TMOD2: variants seen among roughly 807,000 people sequenced by gnomAD.
TMOD2 encodes the protein tropomodulin-2.
TMOD2 carries 22 observed loss-of-function variants against 39.9 expected under a neutral mutation model. The observed-to-expected ratio is 0.55, with a 90% CI of 0.39 to 0.79. The LOEUF is 0.79. TMOD2 is among the 30% of genes least tolerant of loss of function. The pLI, the probability that TMOD2 is intolerant of heterozygous loss-of-function variation, is 0.00. For synonymous variants in TMOD2, 123 were observed against 146.1 expected, an observed-to-expected ratio of 0.84 and a Z score of 1.14; for missense variants, 386 against 413.3, an observed-to-expected ratio of 0.93 and a Z score of 0.57.
At chr15:51,771,474 T>C (rs1419584179) in intron 3 of TMOD2, among the ~76,000 whole-genome samples, 1 of 152,206 alleles carries the variant, frequency 6.6e-6, no homozygotes, top group African/African-American at 2.4e-5. Flanking sequence ...ATACCAATAG[T>C]TGTGTACTTC....
chr15:51,755,172 C>T (rs763982017), intron 1 of TMOD2, among the ~76,000 whole-genome samples: 60 of 152,312 alleles, frequency 3.9e-4, no homozygotes, highest in African/African-American at 5.3e-4. Context: ...GTCAATTCTA[C>T]GTAACTTTAA....
rs2056137342 is a variant in TMOD2 at position 51,808,731 on chromosome 15, T to TA, written c.*277_*278insA. ...CGACATGGAAAATGAATTTAACCACTTTCTTATTGGGTTGTCTTGCTTTCT... is the reference window on the plus strand; with the variant it reads ...CGACATGGAAAATGAATTTAACCACTATTCTTATTGGGTTGTCTTGCTTTCT... On this transcript the variant is annotated 3_prime_UTR_variant, in exon 10 of 10. Transcript: ENST00000249700. 2 of 314,830 alleles carry TA rather than the reference T, an allele frequency of 6.4e-6. No individual in the cohort carries two copies. The highest frequency in any genetic ancestry group is 4.3e-5 in the African/African-American group (2 of 46,376). The allele number at this position is 314,830 out of a possible 1,614,324, so 19.5% of individuals were successfully genotyped here. A position where few individuals can be genotyped will look rare whatever the true frequency, so the allele number is the denominator to read the frequency against.
chr15:51,774,638 T>C (rs371666225), intron 4 of TMOD2, among the ~76,000 whole-genome samples: 1 of 152,230 alleles, frequency 6.6e-6, no homozygotes, highest in African/African-American at 2.4e-5. Flanking sequence ...TCTGTGATGA[T>C]GTCAGGAAGT....
chr15:51,760,880 A>G (rs956579739), intron 1 of TMOD2, among the ~76,000 whole-genome samples: 11 of 152,220 alleles, frequency 7.2e-5, no homozygotes, highest in African/African-American at 2.7e-4. Context: ...AGTAACATAT[A>G]GATGTGAGGA....
Position 51,766,478 on chromosome 15 carries a change from A to G in TMOD2, c.37A>G (p.Lys13Glu), listed in dbSNP as rs2055817180. The change falls in exon 2 of 10, where the codon AAG becomes GAG. Residue 13 changes from lysine to glutamate, a missense_variant. Physicochemically the swap from Lys to Glu is moderately conservative, Grantham distance 56. Coordinates refer to ENST00000249700, the MANE Select transcript of TMOD2 (RefSeq NM_014548.4). ...LPFQKELEKY[K>E]NIDEDELLGK... ...CTTTCAAAAAGAGCTGGAGAAATAC[A>G]AGAACATTGATGAAGATGAGCTTCT... 1 of 1,614,114 alleles carries G rather than the reference A, an allele frequency of 6.2e-7. No homozygotes were observed.
chr15:51,781,343 T>G (rs2055928269), intron 6 of TMOD2, among the ~76,000 whole-genome samples, 169 bp downstream of exon 6: 1 of 152,266 alleles, frequency 6.6e-6, no homozygotes, highest in African/African-American at 2.4e-5. Flanking sequence ...CAGTGATTTC[T>G]ATAATTATTT....
chr15:51,813,934 T>C lies in TMOD2; in HGVS notation c.*5480T>C, dbSNP rs1229701975. 6.6e-6 allele frequency: 1 copy of C among 152,192 alleles called. No homozygotes were observed. The highest frequency in any genetic ancestry group is 2.4e-5 in the African/African-American group (1 of 41,430). The allele number at this position is 152,192 out of a possible 1,614,324, so 9.4% of individuals were successfully genotyped here. ...CCAACCATTACATCTTTCTCATCTTTTGGAGTATGGGTAATTGAGGCTTGG... is the reference window on the plus strand; with the variant it reads ...CCAACCATTACATCTTTCTCATCTTCTGGAGTATGGGTAATTGAGGCTTGG... On this transcript the variant is annotated 3_prime_UTR_variant, in exon 10 of 10. Coordinates refer to ENST00000249700, the MANE Select transcript of TMOD2 (RefSeq NM_014548.4).
At chr15:51,804,003 G>A (rs532696793) in intron 8 of TMOD2, among the ~76,000 whole-genome samples, 1 of 152,242 alleles carries the variant, frequency 6.6e-6, no homozygotes, top group East Asian at 1.9e-4. Context: ...AGTAACACTC[G>A]TACAGTTAGC....
intron 9 of TMOD2, 51 bp downstream of exon 9, chr15:51,806,572 C>T (rs2056123109): frequency 1.3e-6 from 2 of 1,598,222 alleles, no homozygotes; most frequent in African/African-American, 1.3e-5. Flanking sequence ...CATGAGCATT[C>T]ACTTCTCCAC....
rs368954467 is a variant in TMOD2, at chr15:51,781,823, A to AGAGAGAGAGT, written c.624+650_624+651insAGAGAGAGTG. The stretch of plus-strand genomic sequence containing the variant: ...GAGTAGGAGAGAGAGAGAGAGAGAG[A>AGAGAGAGAGT]GTGTGTGTGTGTGTGTGTGTAAACA... On this transcript the variant is annotated intron_variant, in intron 6 of 9. Coordinates refer to ENST00000249700, the MANE Select transcript of TMOD2 (RefSeq NM_014548.4). Among the ~76,000 whole-genome samples, 19 of 149,502 alleles carry AGAGAGAGAGT rather than the reference A, an allele frequency of 1.3e-4. 1 individual carries two copies. The highest frequency in any genetic ancestry group is 4.7e-4 in the African/African-American group (19 of 40,372).
intron 1 of TMOD2, among the ~76,000 whole-genome samples, chr15:51,760,109 A>G (rs965372543): frequency 6.6e-6 from 1 of 152,250 alleles, no homozygotes; most frequent in African/African-American, 2.4e-5. Context: ...AACAGAAGAC[A>G]GCCAGAACAA....
rs2056152194 is a variant in TMOD2, at chr15:51,810,836, T to G, written c.*2382T>G. 6.6e-6 allele frequency: 1 copy of G among 151,516 alleles called. No homozygotes were observed. Among genetic ancestry groups the G allele is most frequent in the African/African-American group, 2.4e-5 (1 of 41,208 alleles). The allele number at this position is 151,516 out of a possible 1,614,324, so 9.4% of individuals were successfully genotyped here. A position where few individuals can be genotyped will look rare whatever the true frequency, so the allele number is the denominator to read the frequency against. Reference sequence around the variant, plus strand: ...TAGAGCATTCCTTGCAGCCCCACAGTGCTGTGGGCTGGGGGCTAAAGCAGT... The same window carrying G: ...TAGAGCATTCCTTGCAGCCCCACAGGGCTGTGGGCTGGGGGCTAAAGCAGT... On this transcript the variant is annotated 3_prime_UTR_variant, in exon 10 of 10. Transcript: ENST00000249700.
intron 6 of TMOD2, 136 bp downstream of exon 6, chr15:51,781,310 C>A: frequency 1.4e-6 from 1 of 731,338 alleles, no homozygotes; most frequent in Non-Finnish European, 2.1e-6. Flanking sequence ...GTATCCTATT[C>A]AAAAGAAGTG....
At chr15:51,808,311 T>C in intron 9 of TMOD2, 109 bp from the exon 10 acceptor site, 1 of 775,570 alleles carries the variant, frequency 1.3e-6, no homozygotes, top group Admixed American at 2.5e-5. Context: ...TTAAGATAAC[T>C]GTATCCTCAA....
rs763242771 is a variant in TMOD2 at position 51,813,363 on chromosome 15, GT to G, written c.*4911del. 1.3e-5 allele frequency: 2 copies of G among 152,226 alleles called. No homozygotes were observed. The highest frequency in any genetic ancestry group is 2.4e-5 in the African/African-American group (1 of 41,428). 9.4% of individuals were successfully genotyped at this position (152,226 alleles called of 1,614,324 possible). A position where few individuals can be genotyped will look rare whatever the true frequency, so the allele number is the denominator to read the frequency against. On this transcript the variant is annotated 3_prime_UTR_variant, in exon 10 of 10. Transcript: ENST00000249700. ...AGTGCATGTTTTAGAGGCTTTGCCA[GT>G]TGGGATACATTGTTGACTTGGGGGA... is the stretch of plus-strand genomic sequence containing the variant.
At position 51,766,525 on chromosome 15, in the gene TMOD2, A is replaced by G; in HGVS notation, c.84A>G (p.Glu28=). 6.2e-7 allele frequency: 1 copy of G among 1,614,154 alleles called. No homozygotes were observed. The highest frequency in any genetic ancestry group is 8.5e-7 in the Non-Finnish European group (1 of 1,179,978). Reference sequence around the variant, plus strand: ...TTCTTGGCAAACTCTCAGAAGAGGAACTGAAACAGTTGGAAAATGTTCTAG... The same window carrying G: ...TTCTTGGCAAACTCTCAGAAGAGGAGCTGAAACAGTTGGAAAATGTTCTAG... The part of the protein sequence containing the change: ...DELLGKLSEE[E]LKQLENVLDD... Residue 28 remains glutamate (E), a synonymous_variant, in exon 2 of 10, where the codon GAA becomes GAG. Coordinates refer to ENST00000249700, the MANE Select transcript of TMOD2 (RefSeq NM_014548.4).
At chr15:51,766,794 G>C in intron 2 of TMOD2, 1 of 345,430 alleles carries the variant, frequency 2.9e-6, no homozygotes, top group African/African-American at 2.1e-5. Context: ...TGTAAATGGG[G>C]GGAAATATTT....
chr15:51,771,647 G>A (rs1280250268), intron 3 of TMOD2, among the ~76,000 whole-genome samples: 5 of 152,106 alleles, frequency 3.3e-5, no homozygotes, highest in African/African-American at 7.2e-5. Flanking sequence ...CCTGGGTGAC[G>A]GAGTGAGACC....
chr15:51,754,443 G>A (rs1166134091), intron 1 of TMOD2, among the ~76,000 whole-genome samples: 1 of 152,194 alleles, frequency 6.6e-6, no homozygotes, highest in Non-Finnish European at 1.5e-5. Flanking sequence ...TAGAAGGCAT[G>A]TGCAGAAGAG....
Sources: allele counts gnomAD v4.1 joint callset (sites outside exome capture counted in the v4.1 genomes callset), GRCh38; gene constraint gnomAD v4.1.1; transcripts MANE v1.5; gene names NCBI Gene and HGNC (gene_info 2026-07-23, HGNC 2026-07-21).